The following EXOC4 variants were observed in gnomAD, a reference collection of about 807,000 sequenced individuals.
EXOC4 encodes the protein exocyst complex component 4, also known as SEC8-like 1.
In EXOC4, 71 loss-of-function variants were observed where a neutral mutation model predicts 107.2. The ratio of observed to expected loss-of-function variants is 0.66; its 90% CI spans 0.55 to 0.81. EXOC4 has a LOEUF of 0.81. EXOC4 is among the 30% of genes least tolerant of loss of function. The pLI, the probability that EXOC4 is intolerant of heterozygous loss-of-function variation, is 0.00. For synonymous variants in EXOC4, 456 were observed against 441.2 expected (o/e 1.03, Z -0.42); for missense variants, 1,108 against 1,189.6 (o/e 0.93, Z 1.01).
chr7:133,939,094 T>A (rs1800369525), intron 14 of EXOC4, among the ~76,000 whole-genome samples: 1 of 152,032 alleles, frequency 6.6e-6, no homozygotes. Context: ...AGAAACAGGA[T>A]AGAAAAAGCA....
chr7:133,526,051 A>G (rs1262470816), intron 9 of EXOC4, among the ~76,000 whole-genome samples: 1 of 152,186 alleles, frequency 6.6e-6, no homozygotes, highest in African/African-American at 2.4e-5. Flanking sequence ...TTCCCCAAAC[A>G]TTAGTGACAA....
At chr7:133,459,166 G>A (rs1256101232) in intron 7 of EXOC4, among the ~76,000 whole-genome samples, 1 of 152,114 alleles carries the variant, frequency 6.6e-6, no homozygotes, top group Non-Finnish European at 1.5e-5. Context: ...TAACATGGTT[G>A]GTATTTAAAT....
At chr7:133,572,533 A>T (rs555956726) in intron 9 of EXOC4, among the ~76,000 whole-genome samples, 112 of 152,288 alleles carry the variant, frequency 7.4e-4, no homozygotes, top group Middle Eastern at 3.4e-3. Flanking sequence ...ATTTTTTTTT[A>T]AAAAAATTGA....
intron 9 of EXOC4, among the ~76,000 whole-genome samples, chr7:133,544,879 T>A (rs1800451332): frequency 6.6e-6 from 1 of 151,740 alleles, no homozygotes; most frequent in African/African-American, 2.4e-5. Context: ...GCTCTTTGTA[T>A]CTTGTACATG....
At chr7:133,289,918 C>G (rs1241799947) in intron 3 of EXOC4, among the ~76,000 whole-genome samples, 1 of 152,132 alleles carries the variant, frequency 6.6e-6, no homozygotes, top group African/African-American at 2.4e-5. Flanking sequence ...TTTTCCTTCC[C>G]CACAGTAGGT....
intron 9 of EXOC4, among the ~76,000 whole-genome samples, chr7:133,555,511 T>A (rs922298372): frequency 6.6e-6 from 1 of 152,156 alleles, no homozygotes; most frequent in Non-Finnish European, 1.5e-5. Flanking sequence ...TCAAATTGCA[T>A]GGGTTTAAAT....
chr7:133,516,228 C>A (rs1328069296), intron 9 of EXOC4, among the ~76,000 whole-genome samples: 1 of 152,060 alleles, frequency 6.6e-6, no homozygotes, highest in Non-Finnish European at 1.5e-5. Context: ...TACTGTTCAC[C>A]CATTTCATAT....
At chr7:133,522,843 G>A (rs755030466) in intron 9 of EXOC4, among the ~76,000 whole-genome samples, 19 of 152,144 alleles carry the variant, frequency 1.2e-4, no homozygotes, top group Non-Finnish European at 2.6e-4. Flanking sequence ...TGACTAGAAT[G>A]AAATGGGAGC....
At chr7:134,039,576 C>T (rs1026741894) in intron 17 of EXOC4, among the ~76,000 whole-genome samples, 4 of 152,140 alleles carry the variant, frequency 2.6e-5, no homozygotes, top group African/African-American at 9.7e-5. Context: ...TCTCCTTCAC[C>T]ACTGCCCTCC....
At chr7:133,737,842 G>A (rs552682028) in intron 10 of EXOC4, among the ~76,000 whole-genome samples, 1 of 149,664 alleles carries the variant, frequency 6.7e-6, no homozygotes, top group African/African-American at 2.4e-5. Flanking sequence ...TCCCTAGAAA[G>A]TTGGACCCAT....
At chr7:133,770,176 C>G (rs1796217015) in intron 10 of EXOC4, among the ~76,000 whole-genome samples, 1 of 151,890 alleles carries the variant, frequency 6.6e-6, no homozygotes, top group African/African-American at 2.4e-5. Context: ...TATCACTTAA[C>G]TCGTGCTAAG....
intron 9 of EXOC4, among the ~76,000 whole-genome samples, chr7:133,563,505 A>G (rs902254414): frequency 2.0e-5 from 3 of 152,110 alleles, no homozygotes; most frequent in Admixed American, 6.6e-5. Flanking sequence ...AAAAAGTAAG[A>G]TGATTTAGTT....
chr7:133,772,568 G>C (rs1796266776), intron 10 of EXOC4, among the ~76,000 whole-genome samples: 1 of 151,464 alleles, frequency 6.6e-6, no homozygotes, highest in African/African-American at 2.4e-5. Flanking sequence ...TCCTGCAGTA[G>C]TACTTAACCT....
rs1307263955 is a variant in EXOC4, at chr7:133,823,922, T to TCA, written c.1734+6378_1734+6379insCA. Among the ~76,000 whole-genome samples, 5 of 79,776 alleles carry TCA rather than the reference T, an allele frequency of 6.3e-5. 1 individual carries two copies. The highest frequency in any genetic ancestry group is 2.7e-4 in the African/African-American group (5 of 18,448). The allele number at this position is 79,776 out of a possible 152,430, so 52.3% of individuals were successfully genotyped here. A position where few individuals can be genotyped will look rare whatever the true frequency, so the allele number is the denominator to read the frequency against. ...ATATATATATATATAAATATATATA[T>TCA]AAATTATATATATATTATATATATA... is the stretch of plus-strand genomic sequence containing the variant. On this transcript the variant is annotated intron_variant, in intron 11 of 17. Coordinates refer to ENST00000253861, the MANE Select transcript of EXOC4 (RefSeq NM_021807.4).
At chr7:133,937,808 G>C in intron 13 of EXOC4, 83 bp from the exon 14 acceptor site, 1 of 1,331,474 alleles carries the variant, frequency 7.5e-7, no homozygotes, top group Middle Eastern at 1.9e-4. Flanking sequence ...CAGTCCTTGT[G>C]CTAGGTGTGC....
intron 9 of EXOC4, among the ~76,000 whole-genome samples, chr7:133,529,679 A>C (rs1448525301): frequency 6.6e-6 from 1 of 152,164 alleles, no homozygotes; most frequent in Non-Finnish European, 1.5e-5. Flanking sequence ...AGTTATGTAT[A>C]AATTTAGATG....
intron 9 of EXOC4, among the ~76,000 whole-genome samples, chr7:133,624,965 TA>T (rs1188896063): frequency 6.6e-6 from 1 of 151,834 alleles, no homozygotes; most frequent in African/African-American, 2.4e-5. Flanking sequence ...TTTTATAAAT[TA>T]AAAAAAAGTA....
chr7:133,414,211 A>G (rs1797423669), intron 7 of EXOC4, among the ~76,000 whole-genome samples: 2 of 152,182 alleles, frequency 1.3e-5, no homozygotes, highest in African/African-American at 2.4e-5. Context: ...TGAATGACCA[A>G]TTATAAAAGA....
intron 13 of EXOC4, among the ~76,000 whole-genome samples, chr7:133,927,650 T>A (rs1417672924): frequency 6.6e-6 from 1 of 152,180 alleles, no homozygotes; most frequent in Admixed American, 6.5e-5. Flanking sequence ...ATATAACTTT[T>A]AAAATATAAT....
Sources: allele counts gnomAD v4.1 joint callset (sites outside exome capture counted in the v4.1 genomes callset), GRCh38; gene constraint gnomAD v4.1.1; transcripts MANE v1.5; gene names NCBI Gene and HGNC (gene_info 2026-07-23, HGNC 2026-07-21).